Variants in UBE2F observed in about 807,000 individuals in gnomAD.
The protein encoded by UBE2F is ubiquitin conjugating enzyme E2 F (putative), also known as NEDD8-conjugating enzyme UBE2F.
Under a neutral mutation model 29.6 loss-of-function variants are expected in UBE2F, and 5 were observed. The ratio of observed to expected loss-of-function variants is 0.17; its 90% confidence interval spans 0.09 to 0.36. The LOEUF (loss-of-function observed/expected upper bound fraction) is 0.36. Among genes scored for constraint, UBE2F ranks in the 10% least tolerant of loss-of-function variants. The pLI is 1.00. For missense variants in UBE2F, 141 were observed against 228.5 expected (o/e 0.62, Z 2.47); for synonymous variants, 66 against 81.8 (o/e 0.81, Z 1.04).
chr2:237,968,933 T>C, intron 1 of UBE2F: 1 of 698,196 alleles, frequency 1.4e-6, no homozygotes, highest in African/African-American at 1.9e-5. Context: ...CTCTTGACAG[T>C]TTGAAGACTT....
chr2:238,012,637 C>T (rs1010414422), intron 4 of UBE2F, among the ~76,000 whole-genome samples: 1 of 152,098 alleles, frequency 6.6e-6, no homozygotes, highest in Non-Finnish European at 1.5e-5. Flanking sequence ...TCAAACTAGT[C>T]TGCGAAATCA....
chr2:238,000,288 C>T (rs1300709404), intron 4 of UBE2F, among the ~76,000 whole-genome samples: 11 of 152,008 alleles, frequency 7.2e-5, no homozygotes. Context: ...ATTGTTTGCC[C>T]ATTTCATTTA....
chr2:238,033,978 G>T lies in UBE2F; in HGVS notation c.444+1724G>T, dbSNP rs557743922. On this transcript the variant is annotated intron_variant, in intron 8 of 9. Transcript: ENST00000272930. ...GCTGTGAACTCAGGCCCTTCTAGGG[G>T]CCCATATGCCGTCATTGTCATCAGC... is the stretch of plus-strand genomic sequence containing the variant. Among the ~76,000 whole-genome samples, 6 of 152,256 alleles carry T rather than the reference G, an allele frequency of 3.9e-5. No individual in the cohort carries two copies. The South Asian group carries it at 1.2e-3, about 32-fold the overall frequency.
chr2:237,999,490 C>G (rs2063750784), intron 4 of UBE2F, among the ~76,000 whole-genome samples: 1 of 152,018 alleles, frequency 6.6e-6, no homozygotes, highest in Non-Finnish European at 1.5e-5. Flanking sequence ...TGTTTTTTTC[C>G]TAGAAGCTTT....
At chr2:238,024,007 C>T (rs1028202502) in intron 5 of UBE2F, among the ~76,000 whole-genome samples, 6 of 152,144 alleles carry the variant, frequency 3.9e-5, no homozygotes, top group Non-Finnish European at 5.9e-5. Flanking sequence ...GCCTATTAAA[C>T]TCGGGCAGGT....
intron 2 of UBE2F, among the ~76,000 whole-genome samples, chr2:237,980,626 C>T (rs2063360362): frequency 6.6e-6 from 1 of 152,176 alleles, no homozygotes; most frequent in Admixed American, 6.5e-5. Context: ...TCCACAGCGC[C>T]TTTGGAATGC....
chr2:238,037,457 CAGGCCATGTGTGGCTGGCG>C (rs2064738376), intron 9 of UBE2F, among the ~76,000 whole-genome samples: 2 of 152,260 alleles, frequency 1.3e-5, no homozygotes, highest in African/African-American at 4.8e-5. Flanking sequence ...CCTGCAGAGG[CAGGCCATGTGTGGCTGGCG>C]TCGAGGTAGC....
chr2:237,999,478 T>C (rs4663826), intron 4 of UBE2F, among the ~76,000 whole-genome samples: 130,433 of 152,242 alleles, frequency 0.86, 56,026 homozygotes, highest in East Asian at 0.97. Flanking sequence ...TATATGCTCC[T>C]ATGTTTTTTT....
At chr2:237,973,287 G>C in intron 2 of UBE2F, 62 bp downstream of exon 2, 7 of 1,571,524 alleles carry the variant, frequency 4.5e-6, no homozygotes, top group Non-Finnish European at 6.1e-6. Flanking sequence ...TGACTGGAGA[G>C]TCTTTGGGGA....
At chr2:237,998,132 TA>T (rs1261677283) in intron 4 of UBE2F, among the ~76,000 whole-genome samples, 3 of 152,210 alleles carry the variant, frequency 2.0e-5, no homozygotes, top group African/African-American at 7.2e-5. Context: ...AAATTTAAAT[TA>T]AAAATTTTAT....
At chr2:237,969,228 C>G (rs906157867) in intron 1 of UBE2F, among the ~76,000 whole-genome samples, 1 of 152,018 alleles carries the variant, frequency 6.6e-6, no homozygotes, top group Non-Finnish European at 1.5e-5. Flanking sequence ...AATGTTGGAG[C>G]GTCTTCTGCC....
chr2:238,001,819 C>CAACAAAA (rs1037210261), intron 4 of UBE2F, among the ~76,000 whole-genome samples: 1 of 151,344 alleles, frequency 6.6e-6, no homozygotes, highest in African/African-American at 2.4e-5. Context: ...GACTCCGTCT[C>CAACAAAA]AACAAAAAAC....
At chr2:238,039,874 T>G (rs1022120921) in intron 9 of UBE2F, among the ~76,000 whole-genome samples, 1 of 152,212 alleles carries the variant, frequency 6.6e-6, no homozygotes, top group Non-Finnish European at 1.5e-5. Flanking sequence ...GGTCTTCATT[T>G]TACATCCTGT....
At chr2:238,020,845 A>G (rs1259738419) in intron 5 of UBE2F, among the ~76,000 whole-genome samples, 1 of 152,210 alleles carries the variant, frequency 6.6e-6, no homozygotes, top group Non-Finnish European at 1.5e-5. Context: ...CTGGAGGGCC[A>G]AGGATGGGAA....
intron 6 of UBE2F, among the ~76,000 whole-genome samples, chr2:238,029,404 C>T (rs553609704): frequency 5.9e-4 from 89 of 152,024 alleles, no homozygotes; most frequent in Non-Finnish European, 8.4e-4. Context: ...CTGGTTAACA[C>T]GGTGAAACCC....
At chr2:238,018,381 G>A (rs879107967) in intron 5 of UBE2F, among the ~76,000 whole-genome samples, 2 of 152,058 alleles carry the variant, frequency 1.3e-5, no homozygotes, top group Admixed American at 1.3e-4. Flanking sequence ...TGAGGCATCA[G>A]AGAACCATTG....
intron 4 of UBE2F, among the ~76,000 whole-genome samples, chr2:238,013,954 A>G (rs1450302188): frequency 6.6e-6 from 1 of 152,218 alleles, no homozygotes. Context: ...CCTGTCCTGG[A>G]CTTGTGTACT....
Position 237,979,283 on chromosome 2 carries a change from C to T in UBE2F, c.118+6058C>T, listed in dbSNP as rs139465885. ...TGGGGCAGTGGGAGGGTCTGGCTGC[C>T]CATCTGCCTGAGCTTCCCAGTGTCT... On this transcript the variant is annotated intron_variant, in intron 2 of 9. Transcript: ENST00000272930. Among the ~76,000 whole-genome samples the T allele has an allele frequency of 4.9e-4, 74 of 152,278 alleles. 1 individual carries two copies. In the East Asian group the frequency reaches 0.013, roughly 27 times the overall value.
chr2:237,981,858 C>T (rs1454449133), intron 2 of UBE2F, among the ~76,000 whole-genome samples: 1 of 151,964 alleles, frequency 6.6e-6, no homozygotes, highest in Non-Finnish European at 1.5e-5. Context: ...AACTCCTGAG[C>T]TCATGCGATC....
Sources: gnomAD v4.1 joint callset for allele counts (sites outside exome capture counted in the v4.1 genomes callset) on GRCh38, gnomAD v4.1.1 for gene constraint, MANE v1.5 for transcripts, NCBI Gene and HGNC (gene_info 2026-07-23, HGNC 2026-07-21) for gene names.